GSDME: variants seen among roughly 807,000 people sequenced by gnomAD.
The protein encoded by GSDME is gasdermin-E.
In GSDME, 44 loss-of-function variants were observed where a neutral mutation model predicts 47.5. The observed-to-expected ratio is 0.93, with a 90% CI of 0.73 to 1.19. The LOEUF (loss-of-function observed/expected upper bound fraction) is 1.19, where lower values mean the gene tolerates loss of function less well. Ranked by LOEUF, GSDME falls within the 50% of genes most tolerant of loss-of-function variation. GSDME has a pLI of 0.00. For synonymous variants in GSDME, 258 were observed against 252.8 expected (o/e 1.02, Z -0.20); for missense variants, 663 against 604.2 (o/e 1.10, Z -1.02).
intron 8 of GSDME, 64 bp downstream of exon 8, chr7:24,706,120 T>A: frequency 1.3e-6 from 2 of 1,585,538 alleles, no homozygotes; most frequent in Non-Finnish European, 8.6e-7. Flanking sequence ...CCCAGAAGCA[T>A]AGATAGTAGG....
Position 24,698,962 on chromosome 7 carries a change from G to A in GSDME, c.*64C>T. The A allele has an allele frequency of 6.4e-6, 7 of 1,096,978 alleles. No individual in the cohort carries two copies. Among genetic ancestry groups the A allele is most frequent in the Non-Finnish European group, 8.3e-6 (6 of 724,968 alleles). 68.0% of individuals were successfully genotyped at this position (1,096,978 alleles called of 1,614,324 possible). ...ATTGGTCAACTTTTAACGTGCATAT[G>A]ACCTTTAACAGTTCTGAAAAATAGC... On this transcript the variant is annotated 3_prime_UTR_variant, in exon 10 of 10. Coordinates refer to ENST00000645220, the MANE Select transcript of GSDME (RefSeq NM_001127453.2).
chr7:24,710,578 T>G, intron 5 of GSDME, 190 bp from the exon 6 acceptor site: 1 of 600,698 alleles, frequency 1.7e-6, no homozygotes, highest in Non-Finnish European at 3.0e-6. Flanking sequence ...GCCCAGCCAC[T>G]TCCAACAAAT....
chr7:24,773,887 A>T, the GSDME span, among the ~76,000 whole-genome samples: 4 of 152,274 alleles, frequency 2.6e-5, no homozygotes, highest in African/African-American at 7.2e-5. This position sits in a 1 kb window ranked among gnomAD's most constrained non-coding sequence, Gnocchi z 5.4. Context: ...AGTTCCCAGC[A>T]TAACCACATC....
At chr7:24,722,018 A>AC (rs1405214955) in intron 3 of GSDME, among the ~76,000 whole-genome samples, 1 of 152,198 alleles carries the variant, frequency 6.6e-6, no homozygotes, top group Non-Finnish European at 1.5e-5. Flanking sequence ...TCTGGAGAGC[A>AC]CATTTCCACA....
In GSDME at chr7:24,718,819, CTA is replaced by C. The variant is rs10601416; in HGVS notation, c.576+226_576+227del. On this transcript the variant is annotated intron_variant, in intron 4 of 9. Transcript: ENST00000645220. ...GCATCAACCCAGGGAAAGCAGCTCCCTATATATCCTCAAGGCCTGGATCCAGC... is the reference window on the plus strand; with the variant it reads ...GCATCAACCCAGGGAAAGCAGCTCCCTATATCCTCAAGGCCTGGATCCAGC... Among the ~76,000 whole-genome samples the C allele has an allele frequency of 0.61, 92,606 of 151,928 alleles. 30,074 individuals carry two copies. Among genetic ancestry groups the C allele is most frequent in the East Asian group, 0.99 (5,122 of 5,176 alleles).
In GSDME at chr7:24,728,690, G is replaced by T. The variant is rs992262897; in HGVS notation, c.405-9472C>A. ...TCAGGAAGTGGATCCTCTTGGAAAC[G>T]AAAGCAGCCGCCCACTGTCTCCCCC... On this transcript the variant is annotated intron_variant, in intron 3 of 9. Coordinates refer to ENST00000645220, the MANE Select transcript of GSDME (RefSeq NM_001127453.2). This position sits in a 1 kb window ranked among gnomAD's most constrained non-coding sequence, Gnocchi z 7.2. Among the ~76,000 whole-genome samples, 47 of 152,142 alleles carry T rather than the reference G, an allele frequency of 3.1e-4. No individual in the cohort carries two copies. The highest frequency in any genetic ancestry group is 9.9e-4 in the African/African-American group (41 of 41,426).
rs775475583 is a variant in GSDME, at chr7:24,749,564, C to G, written c.211G>C (p.Val71Leu). The G allele has an allele frequency of 6.2e-7, 1 of 1,610,566 alleles. No homozygotes were observed. The highest frequency in any genetic ancestry group is 1.7e-5 in the Admixed American group (1 of 59,948). Residue 71 changes from valine (V) to leucine (L), a missense_variant and splice_region_variant, in exon 2 of 10, where the codon GTG becomes CTG. Val to Leu is a conservative substitution (Grantham distance 32). Transcript: ENST00000645220. ...VLIEDQFPSP[V>L]VVESDFVKYE... ...ATAGAATATACCCAAGGAAACATAC[C>G]TGGACTCGGAAATTGGTCTTCTATG...
rs1054329537 is a variant in GSDME, at chr7:24,716,429, C to A, written c.697+825G>T. The A allele has an allele frequency of 1.3e-5, 2 of 152,354 alleles. No homozygotes were observed. Among genetic ancestry groups the A allele is most frequent in the African/African-American group, 2.4e-5 (1 of 41,454 alleles). 9.4% of individuals were successfully genotyped at this position (152,354 alleles called of 1,614,324 possible). A position where few individuals can be genotyped will look rare whatever the true frequency, so the allele number is the denominator to read the frequency against. On this transcript the variant is annotated intron_variant, in intron 5 of 9. Coordinates refer to ENST00000645220, the MANE Select transcript of GSDME (RefSeq NM_001127453.2). This position sits in a 1 kb window ranked among gnomAD's most constrained non-coding sequence, Gnocchi z 4.5. ...GGATGACTCATTTTTATAAATATAA[C>A]TATAATACCATTGTCACACCTAAAA...
intron 3 of GSDME, among the ~76,000 whole-genome samples, chr7:24,743,212 C>T (rs1372732663): frequency 2.0e-5 from 3 of 152,260 alleles, no homozygotes; most frequent in Non-Finnish European, 2.9e-5. Context: ...TGAGTTTTAT[C>T]GTATTTTTTA....
the GSDME span, among the ~76,000 whole-genome samples, chr7:24,773,581 T>C: frequency 3.9e-4 from 60 of 152,366 alleles, no homozygotes; most frequent in South Asian, 3.1e-3. The surrounding 1 kb of genome is among the most constrained non-coding windows in gnomAD (Gnocchi z 5.4). Flanking sequence ...ATCTAACGAA[T>C]TTTTAAGGCT....
rs1313902759 is a variant in GSDME at position 24,756,259 on chromosome 7, G to A, written c.-20+1137C>T. On this transcript the variant is annotated intron_variant, in intron 1 of 9. Transcript: ENST00000645220. This position sits in a 1 kb window ranked among gnomAD's most constrained non-coding sequence, Gnocchi z 4.2. ...GGCAGGCACCTGCGGTCTCAGCTAC[G>A]GGTGTATGGGAGGATCCCTTGAGCC... Among the ~76,000 whole-genome samples the A allele has an allele frequency of 1.3e-5, 2 of 152,160 alleles. No individual in the cohort carries two copies. Among genetic ancestry groups the A allele is most frequent in the Non-Finnish European group, 2.9e-5 (2 of 68,032 alleles).
intron 1 of GSDME, 94 bp from the exon 2 acceptor site, chr7:24,749,887 G>A (rs1410186793): frequency 1.3e-6 from 1 of 774,316 alleles, no homozygotes; most frequent in Non-Finnish European, 2.1e-6. Context: ...ATTCACAACA[G>A]TTCACATGAA....
rs1432671463 is a variant in GSDME, at chr7:24,719,170, C to A, written c.453G>T (p.Arg151Ser). 2.5e-6 allele frequency: 4 copies of A among 1,613,644 alleles called. 1 individual carries two copies. Among genetic ancestry groups the A allele is most frequent in the South Asian group, 2.2e-5 (2 of 91,082 alleles). ...GTGTCAAAACGCACAGGACCTCATT[C>A]CTTCCTTCCAGCACCTGCTGGAGCA... is the stretch of plus-strand genomic sequence containing the variant. Reference protein sequence around the residue: ...NPVLQQVLEGRNEVLCVLTQK... With the variant: ...NPVLQQVLEGSNEVLCVLTQK... Residue 151 changes from arginine (R) to serine (S), a missense_variant, in exon 4 of 10, where the codon AGG (arginine) becomes AGT (serine). Transcript: ENST00000645220.
chr7:24,702,828 G>T lies in GSDME; in HGVS notation c.1189C>A (p.Pro397Thr). 6.2e-7 allele frequency: 1 copy of T among 1,612,582 alleles called. No homozygotes were observed. The highest frequency in any genetic ancestry group is 8.5e-7 in the Non-Finnish European group (1 of 1,179,158). ...YFLVSALAEM[P>T]DSAAALLGTC... Reference sequence around the variant, plus strand: ...CCCAGCAGAGCTGCTGCGCTATCTGGCATTTCTGCAGGAGAGAAAAATCAC... The same window carrying T: ...CCCAGCAGAGCTGCTGCGCTATCTGTCATTTCTGCAGGAGAGAAAAATCAC... Residue 397 changes from proline (P) to threonine (T), a missense_variant, in exon 9 of 10, where the codon CCA becomes ACA. Pro to Thr is a conservative substitution (Grantham distance 38, BLOSUM62 -1). Coordinates refer to ENST00000645220, the MANE Select transcript of GSDME (RefSeq NM_001127453.2).
intron 3 of GSDME, among the ~76,000 whole-genome samples, chr7:24,723,578 T>C (rs930550042): frequency 6.6e-6 from 1 of 152,178 alleles, no homozygotes; most frequent in African/African-American, 2.4e-5. Context: ...AAACAAAACA[T>C]TTAAAACTCT....
At chr7:24,738,877 T>TG (rs1790394827) in intron 3 of GSDME, among the ~76,000 whole-genome samples, 1 of 152,184 alleles carries the variant, frequency 6.6e-6, no homozygotes, top group African/African-American at 2.4e-5. Flanking sequence ...GAGCATACAT[T>TG]GGGGAAAGGA....
rs1308080231 is a variant in GSDME at position 24,714,577 on chromosome 7, A to T, written c.697+2677T>A. On this transcript the variant is annotated intron_variant, in intron 5 of 9. Coordinates refer to ENST00000645220, the MANE Select transcript of GSDME (RefSeq NM_001127453.2). This position sits in a 1 kb window ranked among gnomAD's most constrained non-coding sequence, Gnocchi z 5.0. Reference sequence around the variant, plus strand: ...CAGAACGAGCCAAGGGAAGGCCGAGATATCCCCAGGGTACCTCTTCTCAGC... The same window carrying T: ...CAGAACGAGCCAAGGGAAGGCCGAGTTATCCCCAGGGTACCTCTTCTCAGC... Among the ~76,000 whole-genome samples, 1 of 152,214 alleles carries T rather than the reference A, an allele frequency of 6.6e-6. No individual in the cohort carries two copies. Among genetic ancestry groups the T allele is most frequent in the African/African-American group, 2.4e-5 (1 of 41,446 alleles).
chr7:24,722,047 T>C (rs927178797), intron 3 of GSDME, among the ~76,000 whole-genome samples: 7 of 152,192 alleles, frequency 4.6e-5, no homozygotes, highest in Non-Finnish European at 8.8e-5. Context: ...TTCTAGCTCA[T>C]TCATTTATCT....
At chr7:24,702,282 G>A (rs987119446) in intron 9 of GSDME, 25 of 234,272 alleles carry the variant, frequency 1.1e-4, no homozygotes, top group Middle Eastern at 1.6e-3. Context: ...TTTCCAGAGG[G>A]GGCACCAAGC....
Sources: gnomAD v4.1 joint callset for allele counts (sites outside exome capture counted in the v4.1 genomes callset) on GRCh38, gnomAD v4.1.1 for gene constraint, Gnocchi (gnomAD v3.1) non-coding constraint, MANE v1.5 for transcripts, NCBI Gene and HGNC (gene_info 2026-07-23, HGNC 2026-07-21) for gene names.